Variants in CFAP299 observed in about 807,000 individuals in gnomAD.
CFAP299 encodes the protein cilia- and flagella-associated protein 299.
CFAP299 carries 21 observed loss-of-function variants against 27.0 expected under a neutral mutation model. That is an observed-to-expected ratio of 0.78 (90% CI 0.55 to 1.12). The LOEUF (loss-of-function observed/expected upper bound fraction) is 1.12. Among genes scored for constraint, CFAP299 ranks in the 50% most tolerant of loss-of-function variants. The pLI is 0.00. For missense variants in CFAP299, 310 were observed against 276.6 expected (o/e 1.12, Z -0.86); for synonymous variants, 104 against 98.1 (o/e 1.06, Z -0.36).
At chr4:80,946,097 C>CAA (rs540972506) in intron 5 of CFAP299, among the ~76,000 whole-genome samples, 221 of 99,278 alleles carry the variant, frequency 2.2e-3, no homozygotes, top group African/African-American at 6.4e-3. Flanking sequence ...AACTCCGTCT[C>CAA]AAAAAAAAAA....
intron 2 of CFAP299, among the ~76,000 whole-genome samples, chr4:80,493,983 G>T (rs541479466): frequency 6.6e-4 from 100 of 151,638 alleles, no homozygotes; most frequent in Middle Eastern, 3.4e-3. Context: ...CACCTTGTTA[G>T]CCAGGATGGT....
At chr4:80,622,487 T>C (rs1183046697) in intron 3 of CFAP299, among the ~76,000 whole-genome samples, 1 of 152,200 alleles carries the variant, frequency 6.6e-6, no homozygotes, top group Non-Finnish European at 1.5e-5. Flanking sequence ...TTCTTCATTT[T>C]GTTGATTTGC....
intron 3 of CFAP299, among the ~76,000 whole-genome samples, chr4:80,629,056 T>G (rs755298787): frequency 6.6e-6 from 1 of 152,166 alleles, no homozygotes; most frequent in Admixed American, 6.5e-5. Flanking sequence ...AGCCAAGATA[T>G]GGAATCAACC....
intron 3 of CFAP299, among the ~76,000 whole-genome samples, chr4:80,846,223 G>T (rs1284377135): frequency 6.6e-6 from 1 of 152,140 alleles, no homozygotes; most frequent in African/African-American, 2.4e-5. Flanking sequence ...AGGGATGGAG[G>T]AATTGGTCCA....
chr4:80,394,352 A>G (rs1725659409), intron 2 of CFAP299, among the ~76,000 whole-genome samples: 1 of 149,568 alleles, frequency 6.7e-6, no homozygotes, highest in African/African-American at 2.4e-5. Context: ...TTTCAGATGT[A>G]TGGTTTGTAT....
chr4:80,809,132 G>C (rs925784355), intron 3 of CFAP299, among the ~76,000 whole-genome samples: 1 of 152,072 alleles, frequency 6.6e-6, no homozygotes, highest in Non-Finnish European at 1.5e-5. Context: ...TTTATAGCTG[G>C]GGCTATCTAA....
intron 2 of CFAP299, among the ~76,000 whole-genome samples, chr4:80,575,842 T>A (rs1040032874): frequency 3.9e-5 from 6 of 152,162 alleles, no homozygotes; most frequent in African/African-American, 1.4e-4. Flanking sequence ...TCCCTTGTCA[T>A]TTGCTTCAAG....
the CFAP299 span, among the ~76,000 whole-genome samples, chr4:80,325,605 A>C: frequency 6.6e-6 from 1 of 152,206 alleles, no homozygotes; most frequent in Non-Finnish European, 1.5e-5. Context: ...TCAATAAGTA[A>C]CATCCTTGGT....
intron 2 of CFAP299, among the ~76,000 whole-genome samples, chr4:80,553,674 A>G (rs1257181343): frequency 1.3e-5 from 2 of 151,740 alleles, no homozygotes; most frequent in African/African-American, 4.8e-5. Flanking sequence ...TATTTTTTTG[A>G]CTTTTTAATC....
At chr4:80,894,938 T>C (rs537004595) in intron 4 of CFAP299, among the ~76,000 whole-genome samples, 1 of 152,048 alleles carries the variant, frequency 6.6e-6, no homozygotes, top group South Asian at 2.1e-4. Context: ...GGTCCCACTT[T>C]ATATGTGGAA....
intron 4 of CFAP299, among the ~76,000 whole-genome samples, chr4:80,873,536 C>T (rs887681714): frequency 2.6e-5 from 4 of 152,152 alleles, no homozygotes; most frequent in Admixed American, 1.3e-4. Context: ...TCACACTTCC[C>T]TGTTGATATG....
chr4:80,856,830 G>A (rs2110153786), intron 3 of CFAP299, among the ~76,000 whole-genome samples: 2 of 152,158 alleles, frequency 1.3e-5, no homozygotes, highest in African/African-American at 4.8e-5. Flanking sequence ...TTTGAAGTCA[G>A]GTAGCGTGAT....
intron 3 of CFAP299, among the ~76,000 whole-genome samples, chr4:80,862,228 G>C (rs1428882085): frequency 6.6e-6 from 1 of 151,992 alleles, no homozygotes; most frequent in Non-Finnish European, 1.5e-5. Context: ...AAATTAGCTT[G>C]GAGCAGTGGC....
At chr4:80,893,396 G>GA (rs1253656435) in intron 4 of CFAP299, among the ~76,000 whole-genome samples, 1 of 151,690 alleles carries the variant, frequency 6.6e-6, no homozygotes, top group Non-Finnish European at 1.5e-5. Flanking sequence ...ACAGAACTAT[G>GA]AAAAACGTCA....
intron 2 of CFAP299, among the ~76,000 whole-genome samples, chr4:80,553,859 T>C (rs1734656171): frequency 6.6e-6 from 1 of 152,274 alleles, no homozygotes; most frequent in African/African-American, 2.4e-5. Flanking sequence ...TCTTATAAAT[T>C]TGTTTAAGTT....
At chr4:80,904,800 G>A (rs1735100163) in intron 4 of CFAP299, among the ~76,000 whole-genome samples, 1 of 152,122 alleles carries the variant, frequency 6.6e-6, no homozygotes, top group African/African-American at 2.4e-5. Flanking sequence ...TGAGAAGGGT[G>A]GAACCTTCCA....
intron 2 of CFAP299, among the ~76,000 whole-genome samples, chr4:80,513,201 T>A (rs1402432151): frequency 2.0e-5 from 3 of 152,164 alleles, no homozygotes; most frequent in African/African-American, 7.2e-5. Flanking sequence ...ATAAAGCATA[T>A]GCATATCCTA....
intron 3 of CFAP299, among the ~76,000 whole-genome samples, chr4:80,604,815 CACATCAGAA>C (rs1161776367): frequency 6.6e-6 from 1 of 150,752 alleles, no homozygotes; most frequent in Non-Finnish European, 1.5e-5. Context: ...AATTGCACGT[CACATCAGAA>C]ACGCAGGATG....
chr4:80,738,950 G>T (rs527912709), intron 3 of CFAP299, among the ~76,000 whole-genome samples: 1 of 151,772 alleles, frequency 6.6e-6, no homozygotes, highest in South Asian at 2.1e-4. Context: ...AGGCTTGCAG[G>T]TACTATCTTA....
Sources: gnomAD v4.1 joint callset for allele counts (sites outside exome capture counted in the v4.1 genomes callset) on GRCh38, gnomAD v4.1.1 for gene constraint, MANE v1.5 for transcripts, NCBI Gene and HGNC (gene_info 2026-07-23, HGNC 2026-07-21) for gene names.